RFX6: variants seen among roughly 807,000 people sequenced by gnomAD.
RFX6 encodes regulatory factor X6.
RFX6 carries 50 observed loss-of-function variants against 110.8 expected under a neutral mutation model. The ratio of observed to expected loss-of-function variants is 0.45; its 90% CI spans 0.36 to 0.57. The LOEUF (loss-of-function observed/expected upper bound fraction) is 0.57. Among genes scored for constraint, RFX6 ranks in the 20% least tolerant of loss-of-function variants. RFX6 has a pLI of 0.00. For missense variants in RFX6, 990 were observed against 1,127.0 expected, an observed-to-expected ratio of 0.88 and a Z score of 1.74; for synonymous variants, 383 against 411.2, an observed-to-expected ratio of 0.93 and a Z score of 0.83.
intron 6 of RFX6, among the ~76,000 whole-genome samples, chr6:116,899,181 A>G: frequency 6.6e-6 from 1 of 152,206 alleles, no homozygotes; most frequent in East Asian, 1.9e-4. Context: ...GGAAAAAAAA[A>G]ATACAGGCAT....
chr6:116,929,819 C>T (rs938616653), intron 18 of RFX6, among the ~76,000 whole-genome samples: 20 of 152,282 alleles, frequency 1.3e-4, no homozygotes, highest in African/African-American at 3.4e-4. Context: ...GGCATTGACA[C>T]GCAACCAGAG....
chr6:116,927,306 C>G lies in RFX6; in HGVS notation c.2165C>G (p.Thr722Ser), dbSNP rs1341529140. ...ACATCAGGACTCTATCCTCATCACA[C>G]CGAGCATGGTCGATGCATGGCTTGG... ...HSTSGLYPHH[T>S]EHGRCMAWTE... is the part of the protein sequence containing the mutation. Residue 722 changes from threonine to serine, a missense_variant, in exon 17 of 19, where the codon ACC becomes AGC. Thr to Ser is a moderately conservative substitution (Grantham distance 58). This residue lies in a region of RFX6 where 438 missense variants were observed against 441.9 expected (regional missense o/e 0.99). Transcript: ENST00000332958. The G allele has an allele frequency of 6.2e-7, 1 of 1,614,204 alleles. No individual in the cohort carries two copies. The highest frequency in any genetic ancestry group is 8.5e-7 in the Non-Finnish European group (1 of 1,180,022).
intron 5 of RFX6, among the ~76,000 whole-genome samples, chr6:116,894,433 A>T (rs571984190): frequency 6.6e-6 from 1 of 152,298 alleles, no homozygotes; most frequent in South Asian, 2.1e-4. Context: ...TGTTTTAAAG[A>T]TCTATGTGCT....
intron 2 of RFX6, among the ~76,000 whole-genome samples, chr6:116,878,689 C>T (rs1774522197): frequency 6.6e-6 from 1 of 151,734 alleles, no homozygotes; most frequent in South Asian, 2.1e-4. Flanking sequence ...GCATAAATTT[C>T]CTCACAAATT....
chr6:116,878,022 T>G, intron 2 of RFX6, 70 bp downstream of exon 2: 1 of 1,458,750 alleles, frequency 6.9e-7, no homozygotes, highest in Non-Finnish European at 9.6e-7. Context: ...TCAGGATCTT[T>G]GATTTTCACA....
intron 12 of RFX6, 50 bp downstream of exon 12, chr6:116,920,504 T>C (rs748740110): frequency 1.3e-6 from 2 of 1,511,596 alleles, no homozygotes; most frequent in Non-Finnish European, 1.8e-6. Flanking sequence ...CTCAGAAAAT[T>C]GACATCTTGA....
chr6:116,877,690 G>A, intron 1 of RFX6, 106 bp from the exon 2 acceptor site: 1 of 500,512 alleles, frequency 2.0e-6, no homozygotes, highest in Non-Finnish European at 3.6e-6. Context: ...CCTCCCCTCC[G>A]CCCCCACCCC....
At chr6:116,895,358 G>T in intron 6 of RFX6, 151 bp downstream of exon 6, 1 of 547,070 alleles carries the variant, frequency 1.8e-6, no homozygotes, top group Non-Finnish European at 3.3e-6. Flanking sequence ...AGCTCAATTA[G>T]ATTTGGGACA....
At chr6:116,921,605 C>T (rs1182337114) in intron 12 of RFX6, among the ~76,000 whole-genome samples, 1 of 151,958 alleles carries the variant, frequency 6.6e-6, no homozygotes, top group Non-Finnish European at 1.5e-5. Flanking sequence ...ATTGCTTGAT[C>T]CCAGGAGTTC....
At chr6:116,880,372 A>G (rs1774562592) in intron 2 of RFX6, among the ~76,000 whole-genome samples, 172 bp from the exon 3 acceptor site, 1 of 152,094 alleles carries the variant, frequency 6.6e-6, no homozygotes. Flanking sequence ...TACTTTTAAC[A>G]TTAATCCTTA....
intron 4 of RFX6, among the ~76,000 whole-genome samples, chr6:116,887,393 C>G (rs1049226834): frequency 6.6e-6 from 1 of 152,168 alleles, no homozygotes; most frequent in African/African-American, 2.4e-5. Flanking sequence ...CGCTTACCAT[C>G]CCCTGCCAGC....
Position 116,927,057 on chromosome 6 carries a change from A to G in RFX6, c.1916A>G (p.His639Arg). ...GQMELSQIAG[H>R]LMTPPISPAM... ...ATGGAGCTTTCACAGATTGCTGGTCATCTGATGACACCACCCATTTCTCCA... is the reference window on the plus strand; with the variant it reads ...ATGGAGCTTTCACAGATTGCTGGTCGTCTGATGACACCACCCATTTCTCCA... Residue 639 changes from histidine to arginine, a missense_variant, in exon 17 of 19, where the codon CAT becomes CGT. His to Arg is a conservative substitution (Grantham distance 29, BLOSUM62 0). This residue lies in a region of RFX6 where 438 missense variants were observed against 441.9 expected (regional missense o/e 0.99). Coordinates refer to ENST00000332958, the MANE Select transcript of RFX6 (RefSeq NM_173560.4). The G allele has an allele frequency of 6.2e-7, 1 of 1,614,104 alleles. No homozygotes were observed. Among genetic ancestry groups the G allele is most frequent in the South Asian group, 1.1e-5 (1 of 91,086 alleles).
At chr6:116,883,556 C>T (rs559267856) in intron 4 of RFX6, among the ~76,000 whole-genome samples, 1 of 152,134 alleles carries the variant, frequency 6.6e-6, no homozygotes, top group Non-Finnish European at 1.5e-5. Context: ...ATTATTATCT[C>T]ACTATGGAAT....
intron 3 of RFX6, among the ~76,000 whole-genome samples, chr6:116,881,046 T>C (rs1007138243): frequency 2.6e-5 from 4 of 152,078 alleles, no homozygotes; most frequent in African/African-American, 7.2e-5. Flanking sequence ...CTAGTCCAAA[T>C]ATATGAGTTT....
At chr6:116,889,702 G>A (rs568062378) in intron 4 of RFX6, among the ~76,000 whole-genome samples, 2 of 152,066 alleles carry the variant, frequency 1.3e-5, no homozygotes, top group South Asian at 4.1e-4. Context: ...CCTGTGATAG[G>A]GTTAAAGGAG....
intron 13 of RFX6, 37 bp from the exon 14 acceptor site, chr6:116,923,070 C>A: frequency 1.8e-6 from 2 of 1,089,184 alleles, no homozygotes; most frequent in East Asian, 2.4e-5. Context: ...ACTGAGAGGA[C>A]GGATTTTATA....
intron 4 of RFX6, among the ~76,000 whole-genome samples, chr6:116,887,141 A>G (rs1361119186): frequency 1.3e-5 from 2 of 152,178 alleles, no homozygotes; most frequent in Non-Finnish European, 2.9e-5. Flanking sequence ...GTGTAGGGCC[A>G]GATATCATCC....
Position 116,925,612 on chromosome 6 carries a change from C to T in RFX6, c.1838C>T (p.Ala613Val), listed in dbSNP as rs1775703231. ...PSSQPGGLGP[A>V]LHQFPAGNTD... The stretch of plus-strand genomic sequence containing the variant: ...AGTCAACCTGGAGGCCTAGGCCCTG[C>T]TCTGCACCAGTTCCCTGCTGGGAAC... The change falls in exon 16 of 19, where the codon GCT becomes GTT. Residue 613 changes from alanine to valine, a missense_variant. Ala to Val is a moderately conservative substitution (Grantham distance 64). Transcript: ENST00000332958. 6.2e-7 allele frequency: 1 copy of T among 1,613,936 alleles called. No individual in the cohort carries two copies. The highest frequency in any genetic ancestry group is 1.3e-5 in the African/African-American group (1 of 74,930).
intron 12 of RFX6, among the ~76,000 whole-genome samples, chr6:116,921,396 G>A (rs1018138512): frequency 2.0e-5 from 3 of 152,080 alleles, no homozygotes; most frequent in Admixed American, 6.5e-5. Context: ...CCAAGCTTAG[G>A]TTCATTCATT....
Sources: gnomAD v4.1 joint callset for allele counts (sites outside exome capture counted in the v4.1 genomes callset) on GRCh38, gnomAD v4.1.1 for gene constraint, gnomAD v4.1.1 regional missense constraint, MANE v1.5 for transcripts, NCBI Gene and HGNC (gene_info 2026-07-23, HGNC 2026-07-21) for gene names.